NRF1: variants seen among roughly 807,000 people sequenced by gnomAD.
NRF1 encodes nuclear respiratory factor 1, also known as alpha palindromic-binding protein.
Under a neutral mutation model 58.5 loss-of-function variants are expected in NRF1, and 5 were observed. The ratio of observed to expected loss-of-function variants is 0.09; its 90% CI spans 0.04 to 0.18. The LOEUF (loss-of-function observed/expected upper bound fraction) is 0.18. Ranked by LOEUF, NRF1 falls within the 10% of genes least tolerant of loss-of-function variation. The probability of loss-of-function intolerance (pLI) is 1.00; values close to 1 mark genes in which losing one functional copy is unlikely to be tolerated. For synonymous variants in NRF1, 224 were observed against 246.7 expected (o/e 0.91, Z 0.86); for missense variants, 288 against 657.7 (o/e 0.44, Z 6.15).
intron 10 of NRF1, among the ~76,000 whole-genome samples, chr7:129,744,674 A>C (rs1352467473): frequency 6.6e-6 from 1 of 152,238 alleles, no homozygotes; most frequent in Non-Finnish European, 1.5e-5. Flanking sequence ...AGTTCTTTCC[A>C]TCTTACTCTA....
At position 129,730,177 on chromosome 7, in the gene NRF1, A is replaced by AT. The variant is rs112563674; in HGVS notation, c.1348+2821dup. Among the ~76,000 whole-genome samples the AT allele has an allele frequency of 2.0e-3, 299 of 150,876 alleles. 2 individuals are homozygous for AT. Among genetic ancestry groups the AT allele is most frequent in the African/African-American group, 6.3e-3 (260 of 41,080 alleles). ...CTTATGGTATCTGCCAGTAGGTCAC[A>AT]TTTTTTTTTAATCTTTTTTCTTTTT... On this transcript the variant is annotated intron_variant, in intron 10 of 10. Transcript: ENST00000393232.
chr7:129,735,281 C>T, intron 10 of NRF1: 1 of 979,976 alleles, frequency 1.0e-6, no homozygotes, highest in South Asian at 4.7e-5. Flanking sequence ...CCTGTAATCC[C>T]AGCACTTTGG....
intron 8 of NRF1, among the ~76,000 whole-genome samples, chr7:129,712,292 A>C (rs1322376948): frequency 6.6e-6 from 1 of 152,224 alleles, no homozygotes; most frequent in Non-Finnish European, 1.5e-5. Flanking sequence ...CAGTGAAGGA[A>C]GGGGTTTGTT....
At chr7:129,658,043 G>A (rs1801697901) in intron 2 of NRF1, among the ~76,000 whole-genome samples, 1 of 151,914 alleles carries the variant, frequency 6.6e-6, no homozygotes, top group Admixed American at 6.6e-5. Flanking sequence ...CTATGTTTTG[G>A]CTTTAAACTG....
intron 9 of NRF1, among the ~76,000 whole-genome samples, chr7:129,717,778 C>T (rs573459642): frequency 5.3e-5 from 8 of 152,176 alleles, no homozygotes; most frequent in Non-Finnish European, 7.3e-5. Context: ...CAAGCCTTCC[C>T]GTTTATCCTA....
chr7:129,669,226 T>C (rs1330624631), intron 2 of NRF1, among the ~76,000 whole-genome samples: 1 of 152,136 alleles, frequency 6.6e-6, no homozygotes, highest in African/African-American at 2.4e-5. Context: ...AGATTACAGG[T>C]GTGAGCCACT....
chr7:129,653,680 C>T (rs915086599), intron 1 of NRF1, among the ~76,000 whole-genome samples: 7 of 152,116 alleles, frequency 4.6e-5, no homozygotes, highest in East Asian at 1.9e-4. Flanking sequence ...ATCTTTTTAC[C>T]GTCCCCATAG....
chr7:129,717,665 A>G (rs1803223743), intron 9 of NRF1, among the ~76,000 whole-genome samples: 2 of 152,140 alleles, frequency 1.3e-5, no homozygotes, highest in African/African-American at 4.8e-5. Context: ...AGTTCCTTCT[A>G]CTGGCTGTTG....
intron 2 of NRF1, among the ~76,000 whole-genome samples, chr7:129,659,620 T>C (rs1801737612): frequency 6.6e-6 from 1 of 152,228 alleles, no homozygotes; most frequent in Non-Finnish European, 1.5e-5. Context: ...ATGTTGAAGG[T>C]ACTGTTCCAC....
intron 8 of NRF1, among the ~76,000 whole-genome samples, chr7:129,715,493 T>C (rs1421821943): frequency 6.6e-6 from 1 of 152,228 alleles, no homozygotes; most frequent in Admixed American, 6.5e-5. Flanking sequence ...AAGCAGTTTT[T>C]GCTACACTTT....
intron 1 of NRF1, among the ~76,000 whole-genome samples, chr7:129,632,325 T>C (rs1801067911): frequency 6.6e-6 from 1 of 152,156 alleles, no homozygotes; most frequent in Non-Finnish European, 1.5e-5. Flanking sequence ...ATTTACTCAG[T>C]ACTATAACCC....
At chr7:129,615,142 A>G (rs1363343801) in intron 1 of NRF1, among the ~76,000 whole-genome samples, 1 of 152,196 alleles carries the variant, frequency 6.6e-6, no homozygotes, top group Non-Finnish European at 1.5e-5. Flanking sequence ...GGAACTATGA[A>G]CTGTCAGTCT....
intron 1 of NRF1, among the ~76,000 whole-genome samples, chr7:129,653,969 A>G (rs1378143651): frequency 6.6e-6 from 1 of 152,098 alleles, no homozygotes; most frequent in Non-Finnish European, 1.5e-5. Context: ...TAAGTTTTCA[A>G]CTCCTTTGGG....
chr7:129,634,246 A>C (rs1801123156), intron 1 of NRF1, among the ~76,000 whole-genome samples: 1 of 152,062 alleles, frequency 6.6e-6, no homozygotes, highest in Non-Finnish European at 1.5e-5. Context: ...CATAGTTTAC[A>C]TTCAAGTTCA....
At chr7:129,666,021 C>T (rs550288018) in intron 2 of NRF1, among the ~76,000 whole-genome samples, 80 of 152,232 alleles carry the variant, frequency 5.3e-4, no homozygotes, top group African/African-American at 1.8e-3. Context: ...GGTCTATAGA[C>T]GTAATTAATA....
intron 2 of NRF1, among the ~76,000 whole-genome samples, chr7:129,660,480 A>T (rs1265973143): frequency 6.6e-6 from 1 of 150,944 alleles, no homozygotes; most frequent in East Asian, 1.9e-4. Context: ...TCCTAGATAC[A>T]GTGGGGGTAC....
At chr7:129,690,614 C>G (rs1202945843) in intron 5 of NRF1, 68 bp downstream of exon 5, 3 of 1,553,548 alleles carry the variant, frequency 1.9e-6, no homozygotes, top group East Asian at 4.5e-5. Context: ...CCTCTGATCA[C>G]TTTTCTGCAT....
chr7:129,619,734 TTG>T (rs1000807207), intron 1 of NRF1, among the ~76,000 whole-genome samples: 2 of 85,606 alleles, frequency 2.3e-5, no homozygotes, highest in African/African-American at 5.5e-5. Flanking sequence ...ATTGTTTGGG[TTG>T]TTTTTTTTTT....
At chr7:129,653,885 C>T (rs1801593888) in intron 1 of NRF1, among the ~76,000 whole-genome samples, 1 of 152,202 alleles carries the variant, frequency 6.6e-6, no homozygotes, top group Admixed American at 6.5e-5. Context: ...TACGGAAGGA[C>T]ATTTTGGTGC....
Sources: allele counts gnomAD v4.1 joint callset (sites outside exome capture counted in the v4.1 genomes callset), GRCh38; gene constraint gnomAD v4.1.1; transcripts MANE v1.5; gene names NCBI Gene and HGNC (gene_info 2026-07-23, HGNC 2026-07-21).